Variants in PIK3C2G observed in about 807,000 individuals in gnomAD.
PIK3C2G encodes phosphatidylinositol 3-kinase C2 domain-containing subunit gamma.
In PIK3C2G, 168 loss-of-function variants were observed where a neutral mutation model predicts 181.1. The observed-to-expected ratio is 0.93, with a 90% CI of 0.82 to 1.05. The LOEUF (loss-of-function observed/expected upper bound fraction) is 1.05, where lower values mean the gene tolerates loss of function less well. Ranked by LOEUF, PIK3C2G falls within the 50% of genes least tolerant of loss-of-function variation. The pLI is 0.00. For synonymous variants in PIK3C2G, 573 were observed against 592.2 expected (o/e 0.97, Z 0.47); for missense variants, 1,869 against 1,732.8 (o/e 1.08, Z -1.40).
At chr12:18,684,364 C>A in the PIK3C2G span, 10 of 1,277,422 alleles carry the variant, frequency 7.8e-6, no homozygotes, top group Non-Finnish European at 9.9e-6. Context: ...CAAACTTTTT[C>A]TTTTCAACCC....
the PIK3C2G span, among the ~76,000 whole-genome samples, chr12:18,706,723 T>C: frequency 1.3e-5 from 2 of 152,216 alleles, no homozygotes; most frequent in South Asian, 4.1e-4. Flanking sequence ...ATCACAAGTC[T>C]TACTGCATTT....
At chr12:18,328,242 T>C (rs976872774) in intron 8 of PIK3C2G, among the ~76,000 whole-genome samples, 1 of 151,928 alleles carries the variant, frequency 6.6e-6, no homozygotes, top group East Asian at 1.9e-4. Flanking sequence ...ATCTAGCCCA[T>C]GACTCAGAGG....
At chr12:18,693,398 T>A in the PIK3C2G span, 2 of 1,604,524 alleles carry the variant, frequency 1.2e-6, no homozygotes, top group Non-Finnish European at 1.7e-6. Flanking sequence ...CTCTCACCCA[T>A]CCTGAATATT....
At position 18,290,896 on chromosome 12, in the gene PIK3C2G, C is replaced by A. The variant is rs1235693712; in HGVS notation, c.803C>A (p.Ser268Tyr). ...CATGCAGCTGATGTTAATTTCAATT[C>A]TGGGAAGATCTGGAGCACTACTACA... Reference protein sequence around the residue: ...RYHAADVNFNSGKIWSTTTAF... With the variant: ...RYHAADVNFNYGKIWSTTTAF... The change falls in exon 4 of 33, where the codon TCT becomes TAT. Residue 268 changes from serine to tyrosine, a missense_variant. Ser to Tyr is a moderately radical substitution (Grantham distance 144). Transcript: ENST00000538779. 1.9e-6 allele frequency: 3 copies of A among 1,601,510 alleles called. No individual in the cohort carries two copies. Among genetic ancestry groups the A allele is most frequent in the South Asian group, 2.2e-5 (2 of 90,672 alleles).
chr12:18,535,986 C>T (rs1436752619), intron 24 of PIK3C2G, among the ~76,000 whole-genome samples: 3 of 151,874 alleles, frequency 2.0e-5, no homozygotes, highest in Non-Finnish European at 4.4e-5. Flanking sequence ...GTAGGGATAG[C>T]ATTAGGAGAT....
chr12:18,561,442 G>A (rs894742035), intron 26 of PIK3C2G, among the ~76,000 whole-genome samples: 3 of 152,268 alleles, frequency 2.0e-5, no homozygotes, highest in Admixed American at 6.5e-5. Context: ...TCTCACCACT[G>A]TATTCCAGCC....
intron 18 of PIK3C2G, among the ~76,000 whole-genome samples, chr12:18,452,979 T>C (rs1947446862): frequency 6.6e-6 from 1 of 152,196 alleles, no homozygotes; most frequent in African/African-American, 2.4e-5. Context: ...AGTGTTTTAC[T>C]TCCAATTATG....
At chr12:18,708,542 G>C in the PIK3C2G span, among the ~76,000 whole-genome samples, 1 of 152,110 alleles carries the variant, frequency 6.6e-6, no homozygotes, top group Non-Finnish European at 1.5e-5. Context: ...GGATTACTGG[G>C]TCATATGGTG....
At chr12:18,306,924 A>G (rs1210033576) in intron 5 of PIK3C2G, among the ~76,000 whole-genome samples, 1 of 151,764 alleles carries the variant, frequency 6.6e-6, no homozygotes, top group Admixed American at 6.6e-5. Flanking sequence ...TACTTCTTAC[A>G]TGTAAGAATA....
the PIK3C2G span, among the ~76,000 whole-genome samples, chr12:18,725,699 C>T: frequency 6.6e-6 from 1 of 152,150 alleles, no homozygotes; most frequent in African/African-American, 2.4e-5. Context: ...TTCCACCTCA[C>T]ACTTCAGGTG....
chr12:18,682,681 C>G, the PIK3C2G span, among the ~76,000 whole-genome samples: 1 of 152,092 alleles, frequency 6.6e-6, no homozygotes, highest in African/African-American at 2.4e-5. Flanking sequence ...GCAGGCAAAT[C>G]AATTTTATAC....
chr12:18,280,350 A>G (rs1228861846), intron 1 of PIK3C2G, among the ~76,000 whole-genome samples: 1 of 152,020 alleles, frequency 6.6e-6, no homozygotes, highest in East Asian at 1.9e-4. Context: ...TAAGAAGTGT[A>G]AACAGTAGAA....
chr12:18,336,498 C>T lies in PIK3C2G; in HGVS notation c.1273-1928C>T, dbSNP rs1201841097. 3.3e-5 allele frequency among the ~76,000 whole-genome samples: 5 copies of T among 152,106 alleles called. No homozygotes were observed. The East Asian group carries it at 9.6e-4, about 29-fold the overall frequency. ...ACTAAACTCCAGTTTGGATAATATACATTGAAAATGTGGTGGAACTAACTT... is the reference window on the plus strand; with the variant it reads ...ACTAAACTCCAGTTTGGATAATATATATTGAAAATGTGGTGGAACTAACTT... On this transcript the variant is annotated intron_variant, in intron 8 of 32. Coordinates refer to ENST00000538779, the MANE Select transcript of PIK3C2G (RefSeq NM_001288772.2).
chr12:18,726,426 A>G, the PIK3C2G span, among the ~76,000 whole-genome samples: 1 of 152,198 alleles, frequency 6.6e-6, no homozygotes, highest in South Asian at 2.1e-4. Context: ...GAAATACACC[A>G]TATGCTTCAA....
chr12:18,566,667 C>T (rs550075405), intron 28 of PIK3C2G, among the ~76,000 whole-genome samples: 1 of 151,916 alleles, frequency 6.6e-6, no homozygotes, highest in Non-Finnish European at 1.5e-5. Flanking sequence ...ATTTAAAAGA[C>T]AAAATGTGTG....
At chr12:18,575,912 C>G (rs1029418353) in intron 29 of PIK3C2G, among the ~76,000 whole-genome samples, 8 of 152,154 alleles carry the variant, frequency 5.3e-5, no homozygotes, top group Admixed American at 1.3e-4. Flanking sequence ...TTAGCACATA[C>G]TAGCCTATAA....
At chr12:18,361,036 G>C (rs558684064) in intron 11 of PIK3C2G, among the ~76,000 whole-genome samples, 1 of 152,100 alleles carries the variant, frequency 6.6e-6, no homozygotes, top group East Asian at 1.9e-4. Flanking sequence ...GCTTGACGGT[G>C]CCCATTATTC....
chr12:18,377,360 C>G (rs948610142), intron 13 of PIK3C2G, among the ~76,000 whole-genome samples: 3 of 152,126 alleles, frequency 2.0e-5, no homozygotes, highest in Non-Finnish European at 4.4e-5. Flanking sequence ...CTTAAGGATA[C>G]TCCAGAACAA....
intron 17 of PIK3C2G, among the ~76,000 whole-genome samples, chr12:18,423,245 T>G (rs577254733): frequency 6.6e-6 from 1 of 151,966 alleles, no homozygotes; most frequent in African/African-American, 2.4e-5. Flanking sequence ...TGGGCATTTT[T>G]ATGAGAACTG....
Sources: allele counts gnomAD v4.1 joint callset (sites outside exome capture counted in the v4.1 genomes callset), GRCh38; gene constraint gnomAD v4.1.1; transcripts MANE v1.5; gene names NCBI Gene and HGNC (gene_info 2026-07-23, HGNC 2026-07-21).